Variants in ATP6V1A observed in about 807,000 individuals in gnomAD.
ATP6V1A encodes the protein V-type proton ATPase catalytic subunit A.
In ATP6V1A, 18 loss-of-function variants were observed where a neutral mutation model predicts 70.1. The observed-to-expected ratio is 0.26, with a 90% CI of 0.18 to 0.38. The LOEUF (loss-of-function observed/expected upper bound fraction) is 0.38. Ranked by LOEUF, ATP6V1A falls within the 10% of genes least tolerant of loss-of-function variation. The probability of loss-of-function intolerance (pLI) is 1.00; values close to 1 mark genes in which losing one functional copy is unlikely to be tolerated. For missense variants in ATP6V1A, 424 were observed against 772.4 expected (o/e 0.55, Z 5.35); for synonymous variants, 232 against 253.8 (o/e 0.91, Z 0.82).
At chr3:113,776,059 A>G (rs1708908573) in intron 1 of ATP6V1A, among the ~76,000 whole-genome samples, 1 of 152,136 alleles carries the variant, frequency 6.6e-6, no homozygotes, top group South Asian at 2.1e-4. Flanking sequence ...CAGGAAGCCA[A>G]AAATCCTAAT....
At chr3:113,791,086 A>G (rs1213446901) in intron 8 of ATP6V1A, among the ~76,000 whole-genome samples, 6 of 152,124 alleles carry the variant, frequency 3.9e-5, no homozygotes, top group Non-Finnish European at 8.8e-5. Context: ...TCTATGAAAT[A>G]TGTCTTTTAT....
chr3:113,804,898 C>T (rs1463097613), intron 13 of ATP6V1A, among the ~76,000 whole-genome samples: 1 of 152,208 alleles, frequency 6.6e-6, no homozygotes, highest in Non-Finnish European at 1.5e-5. Flanking sequence ...CTACTAACTT[C>T]AGGAACTTGC....
chr3:113,808,759 A>G (rs12637067), intron 14 of ATP6V1A, among the ~76,000 whole-genome samples: 50,350 of 152,030 alleles, frequency 0.33, 8,493 homozygotes, highest in Non-Finnish European at 0.36. Flanking sequence ...ATTTCCCACT[A>G]TTGTGCACAT....
At chr3:113,788,415 A>G (rs1030921995) in intron 6 of ATP6V1A, among the ~76,000 whole-genome samples, 2 of 151,184 alleles carry the variant, frequency 1.3e-5, no homozygotes, top group South Asian at 2.1e-4. Flanking sequence ...GCTCATTGCA[A>G]CCTCCACCTC....
intron 11 of ATP6V1A, 82 bp from the exon 12 acceptor site, chr3:113,798,161 T>G: frequency 6.7e-7 from 1 of 1,486,082 alleles, no homozygotes. Context: ...ATTGCATAGT[T>G]GGGACAAACA....
intron 6 of ATP6V1A, among the ~76,000 whole-genome samples, chr3:113,787,789 A>C (rs879357155): frequency 6.6e-6 from 1 of 152,248 alleles, no homozygotes; most frequent in African/African-American, 2.4e-5. Context: ...TTATTTTTGC[A>C]CTGACCTAAA....
Position 113,809,330 on chromosome 3 carries a change from T to C in ATP6V1A, c.1762-5T>C, listed in dbSNP as rs761066462. 8.1e-6 allele frequency: 13 copies of C among 1,611,086 alleles called. No individual in the cohort carries two copies. The highest frequency in any genetic ancestry group is 1.1e-5 in the Non-Finnish European group (13 of 1,178,386). The stretch of plus-strand genomic sequence containing the variant: ...GCGAGTTGAATTTGTAATGTCTTCT[T>C]TCAGGATCCACTGAAAGATGGTGAG... On this transcript the variant is annotated splice_region_variant and splice_polypyrimidine_tract_variant and intron_variant, in intron 14 of 14. Transcript: ENST00000273398.
At chr3:113,766,726 G>A (rs1271475357) in intron 1 of ATP6V1A, among the ~76,000 whole-genome samples, 2 of 152,116 alleles carry the variant, frequency 1.3e-5, no homozygotes, top group Admixed American at 1.3e-4. Context: ...AATTTTGGGG[G>A]GACACATTTA....
At position 113,800,005 on chromosome 3, in the gene ATP6V1A, G is replaced by A. The variant is rs1709192258; in HGVS notation, c.1494+1559G>A. Among the ~76,000 whole-genome samples, 3 of 152,228 alleles carry A rather than the reference G, an allele frequency of 2.0e-5. No individual in the cohort carries two copies. In the South Asian group the frequency reaches 6.2e-4, roughly 32 times the overall value. Reference sequence around the variant, plus strand: ...CCAGCACTTTGGGAGGCAGAGGTGGGCAGATCAACGAGGTCAGGAGTTCAA... The same window carrying A: ...CCAGCACTTTGGGAGGCAGAGGTGGACAGATCAACGAGGTCAGGAGTTCAA... On this transcript the variant is annotated intron_variant, in intron 12 of 14. Transcript: ENST00000273398.
At chr3:113,783,568 C>T (rs1709004612) in intron 3 of ATP6V1A, among the ~76,000 whole-genome samples, 1 of 152,086 alleles carries the variant, frequency 6.6e-6, no homozygotes. Context: ...GTTTTTAGCC[C>T]TGTGGTTCCC....
chr3:113,784,272 C>G lies in ATP6V1A; in HGVS notation c.260C>G (p.Ser87Cys), dbSNP rs773297197. The G allele has an allele frequency of 3.7e-6, 6 of 1,614,190 alleles. No individual in the cohort carries two copies. The South Asian group carries it at 6.6e-5, about 18-fold the overall frequency. ...GTACTTCGCACTGGTAAACCCCTCT[C>G]TGTAGAGCTTGGTCCTGGCATTATG... The part of the protein sequence containing the change: ...DPVLRTGKPL[S>C]VELGPGIMGA... The change falls in exon 4 of 15, where the codon TCT becomes TGT. Residue 87 changes from serine to cysteine, a missense_variant. Physicochemically the swap from Ser to Cys is moderately radical, Grantham distance 112. Coordinates refer to ENST00000273398, the MANE Select transcript of ATP6V1A (RefSeq NM_001690.4).
At chr3:113,779,406 T>TA (rs1452796396) in intron 2 of ATP6V1A, among the ~76,000 whole-genome samples, 3 of 152,246 alleles carry the variant, frequency 2.0e-5, no homozygotes, top group Admixed American at 1.3e-4. Context: ...TAATAAATCT[T>TA]ACGCCAGTAT....
At position 113,809,501 on chromosome 3, in the gene ATP6V1A, A is replaced by C; in HGVS notation, c.*74A>C. ...ATGTGTATATTTTCCTGAATTTCTC[A>C]TCTCAAACCCTTTGCTTCTTTATTG... On this transcript the variant is annotated 3_prime_UTR_variant, in exon 15 of 15. Transcript: ENST00000273398. The C allele has an allele frequency of 8.1e-5, 108 of 1,337,966 alleles. No homozygotes were observed. Among genetic ancestry groups the C allele is most frequent in the Non-Finnish European group, 1.1e-4 (102 of 951,980 alleles). The allele number at this position is 1,337,966 out of a possible 1,614,324, so 82.9% of individuals were successfully genotyped here. A position where few individuals can be genotyped will look rare whatever the true frequency, so the allele number is the denominator to read the frequency against.
At chr3:113,780,653 G>A in intron 2 of ATP6V1A, 6 of 840,396 alleles carry the variant, frequency 7.1e-6, no homozygotes, top group African/African-American at 1.8e-5. Context: ...AGTGATAATT[G>A]TGTGGCATTC....
At chr3:113,754,521 G>A (rs776140034) in intron 1 of ATP6V1A, among the ~76,000 whole-genome samples, 10 of 151,296 alleles carry the variant, frequency 6.6e-5, no homozygotes, top group Non-Finnish European at 1.3e-4. Flanking sequence ...GCGTCAGAGC[G>A]ACACCCTGTC....
rs147272190 is a variant in ATP6V1A, at chr3:113,763,891, G to A, written c.-13-14850G>A. The stretch of plus-strand genomic sequence containing the variant: ...TAAGAATTGCTGTTGTGAGACATCA[G>A]CATGAATTCTTAGGTGGTTGTCTTA... On this transcript the variant is annotated intron_variant, in intron 1 of 14. Transcript: ENST00000273398. 2.4e-3 allele frequency among the ~76,000 whole-genome samples: 365 copies of A among 152,270 alleles called. 2 individuals carry two copies. The highest frequency in any genetic ancestry group is 8.5e-3 in the African/African-American group (355 of 41,536).
chr3:113,790,259 C>T (rs1364696614), intron 8 of ATP6V1A, among the ~76,000 whole-genome samples: 23 of 145,108 alleles, frequency 1.6e-4, no homozygotes, highest in African/African-American at 4.4e-4. Context: ...GCCGAGATCG[C>T]GCCACTGCAC....
Position 113,748,008 on chromosome 3 carries a change from C to T in ATP6V1A, c.-14+895C>T, listed in dbSNP as rs1176766391. ...GTTGCTGTCTGCACATGTTTTCTGC[C>T]GTCAATCCTTCCCTTTTTGTCATTT... On this transcript the variant is annotated intron_variant, in intron 1 of 14. Coordinates refer to ENST00000273398, the MANE Select transcript of ATP6V1A (RefSeq NM_001690.4). Among the ~76,000 whole-genome samples, 3 of 152,110 alleles carry T rather than the reference C, an allele frequency of 2.0e-5. No homozygotes were observed. In the East Asian group the frequency reaches 5.8e-4, roughly 29 times the overall value.
chr3:113,786,463 G>A (rs908647007), intron 6 of ATP6V1A, 80 bp downstream of exon 6: 1 of 1,432,986 alleles, frequency 7.0e-7, no homozygotes, highest in Admixed American at 2.1e-5. Context: ...ATAGATAAAG[G>A]GCTTATGTGT....
Sources: gnomAD v4.1 joint callset for allele counts (sites outside exome capture counted in the v4.1 genomes callset) on GRCh38, gnomAD v4.1.1 for gene constraint, MANE v1.5 for transcripts, NCBI Gene and HGNC (gene_info 2026-07-23, HGNC 2026-07-21) for gene names.